The following DMD variants were observed in gnomAD, a reference collection of about 807,000 sequenced individuals.
DMD encodes dystrophin.
In DMD, 63 loss-of-function variants were observed where a neutral mutation model predicts 330.1. That is an observed-to-expected ratio of 0.19 (90% confidence interval 0.16 to 0.24). The LOEUF (loss-of-function observed/expected upper bound fraction) is 0.24. DMD is among the 10% of genes least tolerant of loss of function. DMD has a pLI of 1.00. For synonymous variants in DMD, 1,223 were observed against 959.8 expected, an observed-to-expected ratio of 1.27 and a Z score of -5.07; for missense variants, 3,344 against 2,684.1, an observed-to-expected ratio of 1.25 and a Z score of -5.43.
Position 31,121,662 on chromosome X carries a change from C to A in DMD, c.*257G>T. The A allele has an allele frequency of 2.3e-6, 1 of 431,691 alleles. No individual in the cohort carries two copies. The allele number at this position is 431,691 out of a possible 1,213,427, so 35.6% of individuals were successfully genotyped here. On this transcript the variant is annotated 3_prime_UTR_variant, in exon 79 of 79. Transcript: ENST00000357033. ...GTACAATTGCATAGACGTGTAAAAC[C>A]TGCCATTGTTAACAAAACAATAACA... is the stretch of plus-strand genomic sequence containing the variant.
At chrX:33,291,097 T>C (rs2053504691) in intron 1 of DMD, among the ~76,000 whole-genome samples, 1 of 111,192 alleles carries the variant, frequency 9.0e-6, no homozygotes, top group Admixed American at 9.6e-5. Flanking sequence ...GCAAGGCTGG[T>C]TCAACACATG....
At chrX:32,821,420 T>C (rs1302870948) in intron 5 of DMD, among the ~76,000 whole-genome samples, 1 of 96,364 alleles carries the variant, frequency 1.0e-5, no homozygotes, top group Non-Finnish European at 2.1e-5. Context: ...CCGTCTCTAC[T>C]AAAAATACAA....
chrX:32,428,755 G>C, intron 29 of DMD, among the ~76,000 whole-genome samples: 1 of 110,919 alleles, frequency 9.0e-6, no homozygotes, highest in Admixed American at 9.6e-5. Flanking sequence ...GGGACTACAG[G>C]CGTGCACCAC....
chrX:32,481,176 TGTAAGAG>T (rs2041855959), intron 21 of DMD, among the ~76,000 whole-genome samples: 1 of 110,580 alleles, frequency 9.0e-6, no homozygotes, highest in South Asian at 3.9e-4. Flanking sequence ...CTACTGTCTC[TGTAAGAG>T]GTAAAAGTTA....
At chrX:32,696,853 A>G (rs1393548544) in intron 9 of DMD, among the ~76,000 whole-genome samples, 1 of 111,118 alleles carries the variant, frequency 9.0e-6, no homozygotes, top group Non-Finnish European at 1.9e-5. Flanking sequence ...GTGAGAAGAG[A>G]GCTTTGCAAG....
intron 51 of DMD, among the ~76,000 whole-genome samples, chrX:31,762,345 C>G (rs935855550): frequency 1.8e-5 from 2 of 111,365 alleles, no homozygotes; most frequent in Admixed American, 9.6e-5. Flanking sequence ...CTGAGGCAGG[C>G]AGATCATGAG....
chrX:32,327,464 G>T (rs1299585206), intron 41 of DMD, among the ~76,000 whole-genome samples: 3 of 110,499 alleles, frequency 2.7e-5, no homozygotes, highest in Admixed American at 9.7e-5. Flanking sequence ...GTATAGAAAT[G>T]GTTATATTTA....
At chrX:31,173,388 G>T in intron 72 of DMD, 151 bp downstream of exon 72, 2 of 580,288 alleles carry the variant, frequency 3.4e-6, no homozygotes, top group Non-Finnish European at 5.7e-6. Flanking sequence ...ACATGCAGTG[G>T]AACGGCATGC....
chrX:32,764,054 T>G (rs2072659892), intron 7 of DMD, among the ~76,000 whole-genome samples: 1 of 110,480 alleles, frequency 9.1e-6, no homozygotes, highest in African/African-American at 3.3e-5. Flanking sequence ...TTTCACAGTA[T>G]GCACTGAATG....
At chrX:32,892,851 G>A (rs1451308365) in intron 2 of DMD, among the ~76,000 whole-genome samples, 1 of 112,121 alleles carries the variant, frequency 8.9e-6, no homozygotes, top group East Asian at 2.8e-4. Flanking sequence ...AAGCAAGGCT[G>A]AAAACCAACT....
chrX:31,652,417 G>A (rs1196700196), intron 54 of DMD, among the ~76,000 whole-genome samples: 3 of 110,804 alleles, frequency 2.7e-5, no homozygotes, highest in Admixed American at 9.7e-5. Flanking sequence ...ATGAGGGTAG[G>A]GCTTTTCATT....
intron 30 of DMD, 102 bp from the exon 31 acceptor site, chrX:32,390,283 TAGCTTC>T: frequency 1.6e-6 from 1 of 608,217 alleles, no homozygotes; most frequent in Non-Finnish European, 2.7e-6. Flanking sequence ...CTCTACCATG[TAGCTTC>T]CTTTAAAATG....
chrX:31,724,455 C>T (rs936317507), intron 52 of DMD, among the ~76,000 whole-genome samples: 4 of 111,490 alleles, frequency 3.6e-5, no homozygotes, highest in African/African-American at 1.3e-4. Flanking sequence ...GCCCTGTATA[C>T]CAGTTCTTTA....
chrX:31,384,302 C>CA (rs1363413715), intron 60 of DMD, among the ~76,000 whole-genome samples: 5 of 95,826 alleles, frequency 5.2e-5, no homozygotes, highest in Non-Finnish European at 1.0e-4. Flanking sequence ...AGGGTAATAT[C>CA]CTGCTTCACT....
At chrX:32,969,027 CAAAAAAAAAAAAAA>C (rs142087164) in intron 2 of DMD, among the ~76,000 whole-genome samples, 8 of 19,823 alleles carry the variant, frequency 4.0e-4, no homozygotes, top group Non-Finnish European at 5.6e-4. Flanking sequence ...GATTCTGTCT[CAAAAAAAAAAAAAA>C]AAAAAAAAAA....
rs770375159 is a variant in DMD at position 32,870,980 on chromosome X, A to AAAAAAAAAAAAAAAAAAAG, written c.94-21161_94-21160insCTTTTTTTTTTTTTTTTTT. Among the ~76,000 whole-genome samples, 52 of 37,231 alleles carry AAAAAAAAAAAAAAAAAAAG rather than the reference A, an allele frequency of 1.4e-3. 1 individual carries two copies. The highest frequency in any genetic ancestry group is 1.7e-3 in the African/African-American group (18 of 10,604). 32.3% of individuals were successfully genotyped at this position (37,231 alleles called of 115,157 possible). A position where few individuals can be genotyped will look rare whatever the true frequency, so the allele number is the denominator to read the frequency against. Reference sequence around the variant, plus strand: ...CAGCAAAAAAAAAAAAAAAAAAAAAAAAAAAAAACCACAAAACCCATCATC... The same window carrying AAAAAAAAAAAAAAAAAAAG: ...CAGCAAAAAAAAAAAAAAAAAAAAAAAAAAAAAAAAAAAAAAAAGAAAAAAAACCACAAAACCCATCATC... On this transcript the variant is annotated intron_variant, in intron 2 of 78. Coordinates refer to ENST00000357033, the MANE Select transcript of DMD (RefSeq NM_004006.3).
At chrX:32,474,378 A>T (rs228399) in intron 21 of DMD, among the ~76,000 whole-genome samples, 61,586 of 110,231 alleles carry the variant, frequency 0.56, 13,980 homozygotes, top group East Asian at 0.72. Context: ...CTGGGTAGAT[A>T]CCCAGTAATG....
Position 32,209,250 on chromosome X carries a change from C to T in DMD, c.6438+7666G>A, listed in dbSNP as rs999938126. Among the ~76,000 whole-genome samples, 3 of 110,980 alleles carry T rather than the reference C, an allele frequency of 2.7e-5. 1 individual carries two copies. Among genetic ancestry groups the T allele is most frequent in the South Asian group, 7.5e-4 (2 of 2,667 alleles). ...TTTTGTGTGTGTGCATGTGTGCGTA[C>T]GTGTGTGCTTTCTTTAAGATGGGGG... On this transcript the variant is annotated intron_variant, in intron 44 of 78. Transcript: ENST00000357033.
At chrX:31,644,477 T>C (rs911292940) in intron 54 of DMD, among the ~76,000 whole-genome samples, 3 of 111,769 alleles carry the variant, frequency 2.7e-5, no homozygotes, top group African/African-American at 9.8e-5. Flanking sequence ...TTCTCTGTCA[T>C]AAATATTTTG....
Sources: gnomAD v4.1 joint callset for allele counts (sites outside exome capture counted in the v4.1 genomes callset) on GRCh38, gnomAD v4.1.1 for gene constraint, MANE v1.5 for transcripts, NCBI Gene and HGNC (gene_info 2026-07-23, HGNC 2026-07-21) for gene names.